The following ATP8A2 variants were observed in gnomAD, a reference collection of about 807,000 sequenced individuals.
ATP8A2 encodes ATPase phospholipid transporting 8A2.
A neutral mutation model predicts 165.6 loss-of-function variants in ATP8A2; 100 were observed. The ratio of observed to expected loss-of-function variants is 0.60; its 90% CI spans 0.51 to 0.71. ATP8A2 has a LOEUF of 0.71. Ranked by LOEUF, ATP8A2 falls within the 30% of genes least tolerant of loss-of-function variation. The probability of loss-of-function intolerance (pLI) is 0.00; values close to 1 mark genes in which losing one functional copy is unlikely to be tolerated. For missense variants in ATP8A2, 1,227 were observed against 1,479.5 expected, an observed-to-expected ratio of 0.83 and a Z score of 2.80; for synonymous variants, 543 against 548.8, an observed-to-expected ratio of 0.99 and a Z score of 0.15.
At chr13:25,985,089 G>A (rs1956250173) in intron 35 of ATP8A2, among the ~76,000 whole-genome samples, 1 of 152,216 alleles carries the variant, frequency 6.6e-6, no homozygotes, top group Admixed American at 6.5e-5. Context: ...CATTGCATTG[G>A]GCTGACCATA....
intron 33 of ATP8A2, among the ~76,000 whole-genome samples, chr13:25,904,602 C>G (rs560568633): frequency 1.4e-4 from 21 of 152,318 alleles, no homozygotes; most frequent in African/African-American, 5.1e-4. Context: ...GCTGAAAATA[C>G]TTTCTTTCCA....
At chr13:25,722,667 AT>A (rs1391366521) in intron 25 of ATP8A2, among the ~76,000 whole-genome samples, 1 of 150,130 alleles carries the variant, frequency 6.7e-6, no homozygotes, top group Non-Finnish European at 1.5e-5. Flanking sequence ...TTAGTTGTCT[AT>A]TTTGACTTTT....
At chr13:25,498,730 A>T (rs1426522788) in intron 2 of ATP8A2, among the ~76,000 whole-genome samples, 1 of 152,208 alleles carries the variant, frequency 6.6e-6, no homozygotes, top group African/African-American at 2.4e-5. Flanking sequence ...ATTTGTTGAG[A>T]ACATACTATG....
At chr13:25,667,146 A>G (rs890875102) in intron 24 of ATP8A2, among the ~76,000 whole-genome samples, 3 of 151,810 alleles carry the variant, frequency 2.0e-5, no homozygotes, top group African/African-American at 7.3e-5. Flanking sequence ...CAGTAACTCA[A>G]CTCTTTCCCC....
chr13:25,857,466 C>T (rs1053101980), intron 30 of ATP8A2, among the ~76,000 whole-genome samples: 2 of 151,850 alleles, frequency 1.3e-5, no homozygotes, highest in East Asian at 1.9e-4. Flanking sequence ...CCTCAAACTC[C>T]GGAGCTCAAG....
At chr13:25,475,858 T>C (rs554892) in intron 2 of ATP8A2, among the ~76,000 whole-genome samples, 151,243 of 152,322 alleles carry the variant, frequency 0.99, 75,097 homozygotes, top group South Asian at 1. Flanking sequence ...CTTTTTAATG[T>C]GGTTGTTAGT....
At chr13:25,663,397 A>C (rs2042090087) in intron 24 of ATP8A2, among the ~76,000 whole-genome samples, 1 of 152,186 alleles carries the variant, frequency 6.6e-6, no homozygotes, top group Non-Finnish European at 1.5e-5. Context: ...ATGAGTTTGC[A>C]GATGGGAGAG....
At position 25,383,766 on chromosome 13, in the gene ATP8A2, A is replaced by G. The variant is rs573505781; in HGVS notation, c.76+11478A>G. Among the ~76,000 whole-genome samples, 3 of 152,276 alleles carry G rather than the reference A, an allele frequency of 2.0e-5. No individual in the cohort carries two copies. The South Asian group carries it at 6.2e-4, about 32-fold the overall frequency. On this transcript the variant is annotated intron_variant, in intron 1 of 36. Coordinates refer to ENST00000381655, the MANE Select transcript of ATP8A2 (RefSeq NM_016529.6). ...CAATGGCTAGAGTTTATTAGTATAT[A>G]TATCCTTTTCTTCTCCATAGTGACC...
At chr13:25,471,689 T>C (rs2035851188) in intron 2 of ATP8A2, among the ~76,000 whole-genome samples, 1 of 152,174 alleles carries the variant, frequency 6.6e-6, no homozygotes, top group African/African-American at 2.4e-5. Flanking sequence ...CTTCACTACC[T>C]GTTCTGTAAT....
At chr13:25,692,170 G>A (rs1428189847) in intron 24 of ATP8A2, among the ~76,000 whole-genome samples, 9 of 152,152 alleles carry the variant, frequency 5.9e-5, no homozygotes, top group Non-Finnish European at 1.3e-4. Flanking sequence ...AAAAAGCATT[G>A]AATGTGTGGG....
chr13:25,620,680 A>G (rs1464847493), intron 24 of ATP8A2, among the ~76,000 whole-genome samples: 1 of 152,068 alleles, frequency 6.6e-6, no homozygotes, highest in Non-Finnish European at 1.5e-5. Flanking sequence ...AAAAATCCTC[A>G]TATTACCTTG....
intron 36 of ATP8A2, among the ~76,000 whole-genome samples, chr13:26,019,002 A>G (rs1201729183): frequency 6.6e-6 from 1 of 152,316 alleles, no homozygotes; most frequent in Non-Finnish European, 1.5e-5. Context: ...CACAGGTCCA[A>G]TCAATCACTA....
intron 8 of ATP8A2, among the ~76,000 whole-genome samples, chr13:25,540,688 C>A (rs1297783262): frequency 6.6e-6 from 1 of 152,080 alleles, no homozygotes. Flanking sequence ...CTGGGAAGGA[C>A]ACAGCTTAGT....
At chr13:25,569,519 C>G (rs2039407109) in intron 16 of ATP8A2, among the ~76,000 whole-genome samples, 1 of 152,186 alleles carries the variant, frequency 6.6e-6, no homozygotes, top group Admixed American at 6.5e-5. Flanking sequence ...AAGGGATGCA[C>G]TAGAACACTG....
At chr13:25,793,222 A>G (rs537864870) in intron 27 of ATP8A2, among the ~76,000 whole-genome samples, 2 of 152,314 alleles carry the variant, frequency 1.3e-5, no homozygotes, top group South Asian at 4.1e-4. Context: ...TTGCCTGCAT[A>G]AAGTGATCAA....
intron 8 of ATP8A2, 53 bp from the exon 9 acceptor site, chr13:25,541,866 T>G: frequency 6.2e-7 from 1 of 1,602,092 alleles, no homozygotes; most frequent in Non-Finnish European, 8.5e-7. Context: ...CTGAATGGTG[T>G]CCCTAAGCAC....
At chr13:25,579,049 C>T (rs2039696697) in intron 21 of ATP8A2, 150 bp downstream of exon 21, 4 of 653,084 alleles carry the variant, frequency 6.1e-6, no homozygotes, top group Non-Finnish European at 1.1e-5. Context: ...AATCCAAACT[C>T]ATTTACCTGT....
At chr13:25,633,380 T>C (rs535817964) in intron 24 of ATP8A2, among the ~76,000 whole-genome samples, 1 of 152,174 alleles carries the variant, frequency 6.6e-6, no homozygotes, top group African/African-American at 2.4e-5. Context: ...ATAATACACA[T>C]CACGAGCCTC....
intron 24 of ATP8A2, among the ~76,000 whole-genome samples, chr13:25,652,877 A>G (rs2041845528): frequency 1.3e-5 from 2 of 152,092 alleles, no homozygotes; most frequent in East Asian, 1.9e-4. Context: ...GTTCTTCATC[A>G]CTGCCCACAC....
Sources: gnomAD v4.1 joint callset for allele counts (sites outside exome capture counted in the v4.1 genomes callset) on GRCh38, gnomAD v4.1.1 for gene constraint, MANE v1.5 for transcripts, NCBI Gene and HGNC (gene_info 2026-07-23, HGNC 2026-07-21) for gene names.